SP110: variants seen among roughly 807,000 people sequenced by gnomAD.
SP110 encodes the protein SP110 nuclear body protein.
Under a neutral mutation model 92.7 loss-of-function variants are expected in SP110, and 62 were observed. The observed-to-expected ratio is 0.67, with a 90% CI of 0.55 to 0.83. The LOEUF (loss-of-function observed/expected upper bound fraction) is 0.83. Ranked by LOEUF, SP110 falls within the 40% of genes least tolerant of loss-of-function variation. The pLI, the probability that SP110 is intolerant of heterozygous loss-of-function variation, is 0.00. For synonymous variants in SP110, 273 were observed against 305.3 expected (o/e 0.89, Z 1.10); for missense variants, 793 against 863.9 (o/e 0.92, Z 1.03).
chr2:230,172,084 C>T lies in SP110; in HGVS notation c.1797G>A (p.Met599Ile). Residue 599 changes from methionine to isoleucine, a missense_variant, in exon 16 of 19, where the codon ATG becomes ATA. By Grantham distance (10) the Met-to-Ile change is conservative. Coordinates refer to ENST00000258381, the MANE Select transcript of SP110 (RefSeq NM_080424.4). ...AACTCACCAGCTGGTCCTGAGGCTG[C>T]ATCTGCCTCTCCAGGGTCTTAGATA... is the stretch of plus-strand genomic sequence containing the variant. Reference protein sequence around the residue: ...HHVSKTLERQMQPQDQLKCEF... With the variant: ...HHVSKTLERQIQPQDQLKCEF... 2 of 1,605,088 alleles carry T rather than the reference C, an allele frequency of 1.2e-6. No individual in the cohort carries two copies. The highest frequency in any genetic ancestry group is 1.7e-6 in the Non-Finnish European group (2 of 1,171,610).
chr2:230,177,157 A>G (rs1309327742), intron 14 of SP110, among the ~76,000 whole-genome samples: 1 of 152,188 alleles, frequency 6.6e-6, no homozygotes, highest in African/African-American at 2.4e-5. Context: ...CAGACCACGG[A>G]CTGGGCAGCC....
At chr2:230,204,657 CA>C (rs1434528032) in intron 8 of SP110, among the ~76,000 whole-genome samples, 1 of 151,770 alleles carries the variant, frequency 6.6e-6, no homozygotes, top group Non-Finnish European at 1.5e-5. Flanking sequence ...AGGACATTAC[CA>C]TCTAGCCTAG....
chr2:230,192,519 G>A (rs2042683985), intron 10 of SP110, among the ~76,000 whole-genome samples: 1 of 150,474 alleles, frequency 6.6e-6, no homozygotes, highest in African/African-American at 2.5e-5. Flanking sequence ...AAATCATGAT[G>A]AACTACCATT....
intron 15 of SP110, chr2:230,172,535 T>C: frequency 1.9e-6 from 1 of 524,432 alleles, no homozygotes; most frequent in East Asian, 3.4e-5. Flanking sequence ...TGGTGAAATG[T>C]GTGACAAGCC....
intron 2 of SP110, 32 bp from the exon 3 acceptor site, chr2:230,215,150 G>C: frequency 6.4e-7 from 1 of 1,558,038 alleles, no homozygotes; most frequent in Non-Finnish European, 8.9e-7. Flanking sequence ...TTTTATAAAT[G>C]ACTATAAAAT....
intron 10 of SP110, among the ~76,000 whole-genome samples, chr2:230,198,830 T>C (rs945446651): frequency 6.6e-6 from 1 of 152,208 alleles, no homozygotes; most frequent in African/African-American, 2.4e-5. Context: ...ACTTCCAACC[T>C]GAAGTGATCC....
intron 1 of SP110, 51 bp from the exon 2 acceptor site, chr2:230,216,979 C>G: frequency 6.4e-7 from 1 of 1,555,102 alleles, no homozygotes; most frequent in Non-Finnish European, 8.8e-7. Context: ...GGCGCGGTGG[C>G]TCATGCCTGT....
intron 14 of SP110, chr2:230,173,316 T>A (rs1249710214): frequency 2.2e-5 from 7 of 315,914 alleles, no homozygotes; most frequent in African/African-American, 1.3e-4. Flanking sequence ...TAGATCTGAC[T>A]GACCAAAGTA....
Position 230,216,808 on chromosome 2 carries a change from G to T in SP110, c.120C>A (p.Asn40Lys), listed in dbSNP as rs560250272. ...TGTACATTCTCTTAGTGATGATGGA[G>T]TTGTCTAGGAGGCCTTCAAAGAAGG... ...PFPFFEGLLDNSIITKRMYME... is the reference protein window; with the variant it reads ...PFPFFEGLLDKSIITKRMYME... Residue 40 changes from asparagine to lysine, a missense_variant, in exon 2 of 19, where the codon AAC becomes AAA. Asn to Lys is a moderately conservative substitution (Grantham distance 94, BLOSUM62 0). Transcript: ENST00000258381. 4 of 1,614,096 alleles carry T rather than the reference G, an allele frequency of 2.5e-6. No individual in the cohort carries two copies. In the African/African-American group the frequency reaches 5.3e-5, roughly 22 times the overall value.
chr2:230,205,214 G>A (rs901225122), intron 8 of SP110, among the ~76,000 whole-genome samples: 3 of 152,182 alleles, frequency 2.0e-5, no homozygotes, highest in Non-Finnish European at 4.4e-5. Context: ...CACCTGGGTA[G>A]ATTAAGTTCC....
intron 6 of SP110, among the ~76,000 whole-genome samples, chr2:230,210,841 C>T (rs866419911): frequency 6.6e-6 from 1 of 152,158 alleles, no homozygotes; most frequent in South Asian, 2.1e-4. Context: ...TAATTTATTA[C>T]CTTTCAAGTT....
chr2:230,176,411 T>C (rs2041861659), intron 14 of SP110: 1 of 1,327,998 alleles, frequency 7.5e-7, no homozygotes, highest in Non-Finnish European at 9.7e-7. Flanking sequence ...ATTTTATTTC[T>C]GACACCTTTG....
At position 230,206,595 on chromosome 2, in the gene SP110, TTATA is replaced by T. The variant is rs56817002; in HGVS notation, c.898+1392_898+1395del. On this transcript the variant is annotated intron_variant, in intron 8 of 18. Coordinates refer to ENST00000258381, the MANE Select transcript of SP110 (RefSeq NM_080424.4). ...TATTATATATTATCTGGTCCAGATTTTATATATATATATATATATATATATATAT... is the reference window on the plus strand; with the variant it reads ...TATTATATATTATCTGGTCCAGATTTTATATATATATATATATATATATAT... Among the ~76,000 whole-genome samples, 376 of 70,480 alleles carry T rather than the reference TTATA, an allele frequency of 5.3e-3. 3 individuals are homozygous for T. Among genetic ancestry groups the T allele is most frequent in the East Asian group, 0.013 (16 of 1,244 alleles). The allele number at this position is 70,480 out of a possible 152,430, so 46.2% of individuals were successfully genotyped here.
At chr2:230,222,789 C>A (rs2045928008), upstream of SP110, among the ~76,000 whole-genome samples, 1 of 150,442 alleles carries the variant, frequency 6.6e-6, no homozygotes, top group African/African-American at 2.4e-5. Flanking sequence ...CAGCACCAGG[C>A]AACCACTGAT....
intron 9 of SP110, 97 bp downstream of exon 9, chr2:230,202,482 C>T: frequency 3.5e-6 from 4 of 1,150,412 alleles, no homozygotes; most frequent in Admixed American, 1.9e-5. Flanking sequence ...TTTCCTTTTA[C>T]TATTGACTTT....
chr2:230,173,087 G>A, intron 14 of SP110, 128 bp from the exon 15 acceptor site: 1 of 690,102 alleles, frequency 1.4e-6, no homozygotes, highest in South Asian at 1.5e-5. Flanking sequence ...TTTTGATGGG[G>A]GGAGCTGATG....
intron 10 of SP110, among the ~76,000 whole-genome samples, chr2:230,186,897 T>A (rs1184175540): frequency 6.6e-6 from 1 of 152,232 alleles, no homozygotes; most frequent in Non-Finnish European, 1.5e-5. Flanking sequence ...CTTTACACAT[T>A]CATTGGTCAA....
chr2:230,209,738 G>A (rs1397262657), intron 7 of SP110, among the ~76,000 whole-genome samples, 193 bp downstream of exon 7: 1 of 152,186 alleles, frequency 6.6e-6, no homozygotes, highest in East Asian at 1.9e-4. Flanking sequence ...ACCCCCAAAT[G>A]CCTTCTGGTT....
chr2:230,176,379 C>T (rs765163848), intron 14 of SP110: 9 of 1,086,208 alleles, frequency 8.3e-6, no homozygotes, highest in Non-Finnish European at 9.7e-6. Context: ...TGGGGTCTTG[C>T]TATGTTGCCT....
Sources: gnomAD v4.1 joint callset for allele counts (sites outside exome capture counted in the v4.1 genomes callset) on GRCh38, gnomAD v4.1.1 for gene constraint, MANE v1.5 for transcripts, NCBI Gene and HGNC (gene_info 2026-07-23, HGNC 2026-07-21) for gene names.